Variants in MARF1 observed in about 807,000 individuals in gnomAD.
MARF1 encodes limkain-b1.
A neutral mutation model predicts 168.2 loss-of-function variants in MARF1; 24 were observed. The observed-to-expected ratio is 0.14, with a 90% CI of 0.10 to 0.20. The LOEUF (loss-of-function observed/expected upper bound fraction) is 0.20, where lower values mean the gene tolerates loss of function less well. MARF1 is among the 10% of genes least tolerant of loss of function. The probability of loss-of-function intolerance (pLI) is 1.00; values close to 1 mark genes in which losing one functional copy is unlikely to be tolerated. For synonymous variants in MARF1, 868 were observed against 822.4 expected, an observed-to-expected ratio of 1.06 and a Z score of -0.95; for missense variants, 1,744 against 2,143.6, an observed-to-expected ratio of 0.81 and a Z score of 3.68.
At chr16:15,620,810 T>A (rs1369946944) in intron 12 of MARF1, among the ~76,000 whole-genome samples, 1 of 152,162 alleles carries the variant, frequency 6.6e-6, no homozygotes, top group African/African-American at 2.4e-5. Flanking sequence ...GAGAAGAGCT[T>A]AAATATCTCC....
At chr16:15,610,949 C>T in intron 19 of MARF1, 26 bp downstream of exon 19, 2 of 1,607,998 alleles carry the variant, frequency 1.2e-6, no homozygotes, top group Non-Finnish European at 8.5e-7. Flanking sequence ...AGACAATATC[C>T]TTCCAGCAAA....
In MARF1 at chr16:15,625,694, A is replaced by T. The variant is rs1308423541; in HGVS notation, c.1631T>A (p.Leu544Gln). 2 of 1,614,102 alleles carry T rather than the reference A, an allele frequency of 1.2e-6. No homozygotes were observed. Among genetic ancestry groups the T allele is most frequent in the Non-Finnish European group, 1.7e-6 (2 of 1,180,048 alleles). ...RLSDNCGGKV[L>Q]SITGCSAILR... is the part of the protein sequence containing the mutation. The stretch of plus-strand genomic sequence containing the variant: ...AATTGCACTGCAGCCTGTGATACTC[A>T]GCACTTTCCCACCACAATTATCGGA... The change falls in exon 8 of 27, where the codon CTG (leucine) becomes CAG (glutamine). Residue 544 changes from leucine to glutamine, a missense_variant. By Grantham distance (113) the Leu-to-Gln change is moderately radical (BLOSUM62 -2). Coordinates refer to ENST00000396368, the MANE Select transcript of MARF1 (RefSeq NM_014647.4).
chr16:15,636,477 G>C (rs2035606509), intron 2 of MARF1, 135 bp from the exon 3 acceptor site: 2 of 652,074 alleles, frequency 3.1e-6, no homozygotes, highest in Non-Finnish European at 5.1e-6. Flanking sequence ...GAACAAAATG[G>C]AATCACAGCT....
In MARF1 at chr16:15,611,731, G is replaced by C. The variant is rs1004062584; in HGVS notation, c.3478C>G (p.Leu1160Val). 1.9e-6 allele frequency: 3 copies of C among 1,613,818 alleles called. No homozygotes were observed. Among genetic ancestry groups the C allele is most frequent in the Non-Finnish European group, 2.5e-6 (3 of 1,179,878 alleles). Reference sequence around the variant, plus strand: ...AGCAGACGTTTGGAGCCCATTCCAAGAATCTGCAAAGCAAATAGTTTATTT... The same window carrying C: ...AGCAGACGTTTGGAGCCCATTCCAACAATCTGCAAAGCAAATAGTTTATTT... ...LEAVPHVLQI[L>V]GMGSKRLLTL... is the part of the protein sequence containing the mutation. Residue 1160 changes from leucine (L) to valine (V), a missense_variant, in exon 18 of 27, where the codon CTT becomes GTT. By Grantham distance (32) the Leu-to-Val change is conservative (BLOSUM62 1). Transcript: ENST00000396368.
intron 19 of MARF1, chr16:15,610,604 G>T (rs758695838): frequency 1.7e-5 from 3 of 180,386 alleles, no homozygotes; most frequent in Non-Finnish European, 3.5e-5. Flanking sequence ...TCTCAAGTGT[G>T]CACAGTAAAT....
chr16:15,617,126 A>C lies in MARF1; in HGVS notation c.3003T>G (p.Ile1001Met). ...DPDSYKIPFV[I>M]LSLKTFAPQV... ...GGGGCGCAAATGTCTTCAAAGAAAGAATCACAAAAGGAATCTTGTAAGAGT... is the reference window on the plus strand; with the variant it reads ...GGGGCGCAAATGTCTTCAAAGAAAGCATCACAAAAGGAATCTTGTAAGAGT... The change falls in exon 15 of 27, where the codon ATT becomes ATG. Residue 1001 changes from isoleucine to methionine, a missense_variant. By Grantham distance (10) the Ile-to-Met change is conservative. Coordinates refer to ENST00000396368, the MANE Select transcript of MARF1 (RefSeq NM_014647.4). 6.2e-7 allele frequency: 1 copy of C among 1,614,202 alleles called. No homozygotes were observed. Among genetic ancestry groups the C allele is most frequent in the Non-Finnish European group, 8.5e-7 (1 of 1,180,020 alleles).
rs543453765 is a variant in MARF1, at chr16:15,627,565, C to T, written c.1525-1765G>A. Among the ~76,000 whole-genome samples, 290 of 152,224 alleles carry T rather than the reference C, an allele frequency of 1.9e-3. 2 individuals carry two copies. The highest frequency in any genetic ancestry group is 0.011 in the South Asian group (53 of 4,824). ...CCCGGCAGGTGGAGTCTGCAGTAAG[C>T]GGAGATCACGCCACTGCACTCTAGC... On this transcript the variant is annotated intron_variant, in intron 7 of 26. Transcript: ENST00000396368.
rs1327089511 is a variant in MARF1, at chr16:15,636,178, A to G, written c.309T>C (p.Ala103=). 1.2e-6 allele frequency: 2 copies of G among 1,614,128 alleles called. No homozygotes were observed. The highest frequency in any genetic ancestry group is 8.5e-7 in the Non-Finnish European group (1 of 1,180,052). The change falls in exon 3 of 27, where the codon GCT becomes GCC. Residue 103 remains alanine, a synonymous_variant. Coordinates refer to ENST00000396368, the MANE Select transcript of MARF1 (RefSeq NM_014647.4). ...AAGTGGAGGGTTCATTAGGGCAATG[A>G]GCACAGCAGCTTACTTTGGGGACAG... ...LSSVPKVSCC[A]HCPNEPSTSP... is the part of the protein sequence containing the mutation.
At chr16:15,611,462 A>AAT in intron 18 of MARF1, 130 bp downstream of exon 18, 3 of 858,382 alleles carry the variant, frequency 3.5e-6, no homozygotes. Flanking sequence ...AAAAAAAAAA[A>AAT]AAACAAAAAA....
chr16:15,598,813 A>C (rs2032048807), intron 26 of MARF1, 41 bp downstream of exon 26: 1 of 1,603,100 alleles, frequency 6.2e-7, no homozygotes, highest in African/African-American at 1.3e-5. Flanking sequence ...TTTTGTTTTA[A>C]ACCCCGAAGA....
rs1175590987 is a variant in MARF1, at chr16:15,624,801, A to G, written c.2238T>C (p.Ser746=). The change falls in exon 10 of 27, where the codon AGT becomes AGC. Residue 746 remains serine, a synonymous_variant. Transcript: ENST00000396368. ...FSKLVASRQV[S]PLLASQSWSS... ...ACCAAGACTGAGATGCGAGCAGAGG[A>G]CTGACTTGCCTGGATGCAACTAACT... is the stretch of plus-strand genomic sequence containing the variant. 1.2e-6 allele frequency: 2 copies of G among 1,614,230 alleles called. No homozygotes were observed. Among genetic ancestry groups the G allele is most frequent in the Admixed American group, 3.3e-5 (2 of 60,028 alleles).
In MARF1 at chr16:15,602,230, G is replaced by A. The variant is rs377552588; in HGVS notation, c.4414-27C>T. 1,667 of 1,590,736 alleles carry A rather than the reference G, an allele frequency of 1.0e-3. 2 individuals carry two copies. Among genetic ancestry groups the A allele is most frequent in the Non-Finnish European group, 1.3e-3 (1,551 of 1,158,902 alleles). On this transcript the variant is annotated intron_variant, in intron 22 of 26. Coordinates refer to ENST00000396368, the MANE Select transcript of MARF1 (RefSeq NM_014647.4). ...TGGTTAAAAAGAAAACGCAGCATTA[G>A]AAATATTAGTGACTGGCCCTGCCCC...
At position 15,636,280 on chromosome 16, in the gene MARF1, A is replaced by G. The variant is rs1427923694; in HGVS notation, c.207T>C (p.His69=). The G allele has an allele frequency of 6.2e-7, 1 of 1,612,026 alleles. No homozygotes were observed. The highest frequency in any genetic ancestry group is 1.1e-5 in the South Asian group (1 of 90,810). Residue 69 remains histidine, a synonymous_variant, in exon 3 of 27, where the codon CAT becomes CAC. Transcript: ENST00000396368. ...CTGCTGGAAAAAGCTTAGAGCCAGC[A>G]TGAAGGGGTGATGGTACATCCTTTA... The part of the protein sequence containing the change: ...VELKDVPSPL[H]AGSKLFPAVP...
At chr16:15,617,270 T>C in intron 14 of MARF1, 29 bp downstream of exon 14, 1 of 1,610,638 alleles carries the variant, frequency 6.2e-7, no homozygotes, top group South Asian at 1.1e-5. Flanking sequence ...TAGAAAAGAA[T>C]TACTTCTAAA....
rs1419927218 is a variant in MARF1, at chr16:15,635,682, G to C, written c.805C>G (p.Leu269Val). ...VVPPVCLKGSLYCEDCLNKPA... is the reference protein window; with the variant it reads ...VVPPVCLKGSVYCEDCLNKPA... ...TTGTTTAGACAGTCTTCGCAGTAAAGTGAGCCCTTTAAACAAACCGGAGGT... is the reference window on the plus strand; with the variant it reads ...TTGTTTAGACAGTCTTCGCAGTAAACTGAGCCCTTTAAACAAACCGGAGGT... Residue 269 changes from leucine to valine, a missense_variant, in exon 3 of 27, where the codon CTT becomes GTT. This residue lies in a region of MARF1 where 318 missense variants were observed against 336.6 expected (regional missense o/e 0.94). Transcript: ENST00000396368. The C allele has an allele frequency of 6.2e-7, 1 of 1,613,966 alleles. No individual in the cohort carries two copies. The highest frequency in any genetic ancestry group is 2.2e-5 in the East Asian group (1 of 44,884).
intron 11 of MARF1, 92 bp from the exon 12 acceptor site, chr16:15,622,003 C>A (rs140106534): frequency 1.7e-6 from 2 of 1,150,264 alleles, no homozygotes; most frequent in African/African-American, 1.5e-5. Flanking sequence ...ACACATTTGT[C>A]GACTGCAGCG....
In MARF1 at chr16:15,625,049, C is replaced by A. The variant is rs373840586; in HGVS notation, c.2078G>T (p.Gly693Val). Residue 693 changes from glycine to valine, a missense_variant, in exon 9 of 27, where the codon GGG (glycine) becomes GTG (valine). By Grantham distance (109) the Gly-to-Val change is moderately radical. Around this residue, in one of 7 missense-constraint regions of MARF1, gnomAD observed 270 missense variants for 260.6 expected, o/e 1.04. Transcript: ENST00000396368. ...SAAVSTPKNSGVAEPVYKTSQ... is the reference protein window; with the variant it reads ...SAAVSTPKNSVVAEPVYKTSQ... ...GGTTTTGTAAACGGGTTCTGCCACC[C>A]CCGAGTTTTTCGGCGTCGACACTGC... 7 of 1,614,010 alleles carry A rather than the reference C, an allele frequency of 4.3e-6. No homozygotes were observed. The highest frequency in any genetic ancestry group is 5.9e-6 in the Non-Finnish European group (7 of 1,180,034).
At chr16:15,603,725 A>C (rs888612729) in intron 22 of MARF1, among the ~76,000 whole-genome samples, 1 of 151,744 alleles carries the variant, frequency 6.6e-6, no homozygotes, top group Non-Finnish European at 1.5e-5. Context: ...TATTCTCTTA[A>C]GATTCTCTCA....
rs1182140243 is a variant in MARF1 at position 15,636,312 on chromosome 16, C to A, written c.175G>T (p.Val59Leu). ...KEYMENKKVA[V>L]ELKDVPSPLH... is the part of the protein sequence containing the mutation. ...GGTGATGGTACATCCTTTAGTTCCA[C>A]AGCAACTTTCTTGTTCTCCATGTAC... Residue 59 changes from valine (V) to leucine (L), a missense_variant, in exon 3 of 27, where the codon GTG becomes TTG. By Grantham distance (32) the Val-to-Leu change is conservative (BLOSUM62 1). This residue lies in a region of MARF1 where 318 missense variants were observed against 336.6 expected (regional missense o/e 0.94). Transcript: ENST00000396368. 3 of 1,570,558 alleles carry A rather than the reference C, an allele frequency of 1.9e-6. No individual in the cohort carries two copies. The highest frequency in any genetic ancestry group is 2.7e-5 in the African/African-American group (2 of 73,162).
Sources: allele counts gnomAD v4.1 joint callset (sites outside exome capture counted in the v4.1 genomes callset), GRCh38; gene constraint gnomAD v4.1.1; regional missense constraint gnomAD v4.1.1; transcripts MANE v1.5; gene names NCBI Gene and HGNC (gene_info 2026-07-23, HGNC 2026-07-21).